The following ROBO2 variants were observed in gnomAD, a reference collection of about 807,000 sequenced individuals.
ROBO2 encodes the protein roundabout guidance receptor 2, also known as roundabout homolog 2.
A neutral mutation model predicts 160.8 loss-of-function variants in ROBO2; 53 were observed. That is an observed-to-expected ratio of 0.33 (90% confidence interval 0.26 to 0.41). The LOEUF is 0.41. Ranked by LOEUF, ROBO2 falls within the 10% of genes least tolerant of loss-of-function variation. The pLI, the probability that ROBO2 is intolerant of heterozygous loss-of-function variation, is 1.00. For missense variants in ROBO2, 1,577 were observed against 1,722.4 expected (o/e 0.92, Z 1.49); for synonymous variants, 664 against 611.7 (o/e 1.09, Z -1.26).
At chr3:77,348,771 T>C (rs2067965189) in intron 2 of ROBO2, among the ~76,000 whole-genome samples, 1 of 152,130 alleles carries the variant, frequency 6.6e-6, no homozygotes, top group South Asian at 2.1e-4. Flanking sequence ...GCCCTTGCCT[T>C]CAGGTATCAG....
intron 2 of ROBO2, among the ~76,000 whole-genome samples, chr3:76,027,797 G>A (rs1018143785): frequency 2.0e-5 from 3 of 151,768 alleles, no homozygotes; most frequent in Admixed American, 1.3e-4. Context: ...AGATGTTCTT[G>A]TACTAAAAAG....
intron 2 of ROBO2, among the ~76,000 whole-genome samples, chr3:76,619,294 C>T (rs902048908): frequency 6.7e-6 from 1 of 150,030 alleles, no homozygotes; most frequent in Non-Finnish European, 1.5e-5. Flanking sequence ...GAGCCGAGAT[C>T]GCGCCACTGC....
At chr3:76,635,830 T>C (rs2090300861) in intron 2 of ROBO2, among the ~76,000 whole-genome samples, 1 of 152,228 alleles carries the variant, frequency 6.6e-6, no homozygotes, top group South Asian at 2.1e-4. Context: ...AATGTTTTCC[T>C]AGAACACTGA....
chr3:77,405,331 AAT>A (rs1287680769), intron 2 of ROBO2, among the ~76,000 whole-genome samples: 1 of 152,190 alleles, frequency 6.6e-6, no homozygotes, highest in Non-Finnish European at 1.5e-5. Flanking sequence ...GTAAAAATAA[AAT>A]AGTATTTTAG....
chr3:77,071,588 A>G (rs901014424), intron 1 of ROBO2, among the ~76,000 whole-genome samples: 4 of 152,186 alleles, frequency 2.6e-5, no homozygotes, highest in Non-Finnish European at 4.4e-5. Flanking sequence ...AAGCATGGCT[A>G]TTAAGCAGCT....
chr3:76,098,175 C>A (rs963173234), intron 2 of ROBO2, among the ~76,000 whole-genome samples: 1 of 152,044 alleles, frequency 6.6e-6, no homozygotes, highest in Non-Finnish European at 1.5e-5. Flanking sequence ...TGAGAGGAAA[C>A]AAAATCTTCA....
chr3:75,952,048 C>T (rs187175090), intron 2 of ROBO2, among the ~76,000 whole-genome samples: 40 of 152,066 alleles, frequency 2.6e-4, no homozygotes, highest in Admixed American at 1.8e-3. Context: ...GACAGCAAAT[C>T]CAACAAAGAC....
At chr3:77,166,083 C>A (rs372716737) in intron 2 of ROBO2, among the ~76,000 whole-genome samples, 3 of 152,034 alleles carry the variant, frequency 2.0e-5, no homozygotes, top group African/African-American at 4.8e-5. Flanking sequence ...CATGGCAAAA[C>A]CCACTCTCTA....
rs541721732 is a variant in ROBO2 at position 76,948,631 on chromosome 3, G to A, written c.110-149383G>A. ...AGACGGAGTCTCACCCTGTCACCCA[G>A]GCTGGATTTTGTGACTTCCCTTTTT... On this transcript the variant is annotated intron_variant, in intron 2 of 26. Transcript: ENST00000487694. Among the ~76,000 whole-genome samples the A allele has an allele frequency of 9.1e-5, 12 of 131,920 alleles. No homozygotes were observed. The South Asian group carries it at 2.8e-3, about 31-fold the overall frequency. 86.5% of individuals were successfully genotyped at this position (131,920 alleles called of 152,430 possible). A position where few individuals can be genotyped will look rare whatever the true frequency, so the allele number is the denominator to read the frequency against.
At chr3:75,908,917 T>C (rs1277630603) in intron 1 of ROBO2, among the ~76,000 whole-genome samples, 4 of 152,206 alleles carry the variant, frequency 2.6e-5, no homozygotes, top group Non-Finnish European at 4.4e-5. Context: ...TTAGCTGTGT[T>C]TTTAAACCAC....
chr3:77,301,153 A>G (rs754218338), intron 2 of ROBO2, among the ~76,000 whole-genome samples: 6 of 152,034 alleles, frequency 3.9e-5, no homozygotes, highest in African/African-American at 1.2e-4. Flanking sequence ...ACAGGCATGA[A>G]CCACTGTGTC....
At chr3:76,613,687 G>A (rs538762924) in intron 2 of ROBO2, among the ~76,000 whole-genome samples, 2 of 151,922 alleles carry the variant, frequency 1.3e-5, no homozygotes, top group East Asian at 1.9e-4. Context: ...GGAGAGGGGC[G>A]TGAGTTAAAG....
intron 2 of ROBO2, among the ~76,000 whole-genome samples, chr3:76,260,938 T>C (rs1706705240): frequency 6.6e-6 from 1 of 152,020 alleles, no homozygotes; most frequent in Non-Finnish European, 1.5e-5. Context: ...TTTCATAAAA[T>C]AGGATATAAG....
At chr3:75,917,957 T>A (rs867702240) in intron 1 of ROBO2, among the ~76,000 whole-genome samples, 7 of 152,292 alleles carry the variant, frequency 4.6e-5, no homozygotes, top group Middle Eastern at 6.8e-3. Flanking sequence ...GGATAGATTG[T>A]AAAAATTTTC....
At chr3:76,871,517 G>A (rs1380053504) in intron 2 of ROBO2, among the ~76,000 whole-genome samples, 2 of 144,096 alleles carry the variant, frequency 1.4e-5, no homozygotes, top group African/African-American at 5.1e-5. Flanking sequence ...TCCCGCCACT[G>A]CACTCCAGCC....
At position 77,644,777 on chromosome 3, in the gene ROBO2, T is replaced by G. The variant is rs758687620; in HGVS notation, c.4008T>G (p.Ser1336=). 6.8e-5 allele frequency: 109 copies of G among 1,613,940 alleles called. No individual in the cohort carries two copies. The highest frequency in any genetic ancestry group is 8.9e-5 in the Non-Finnish European group (105 of 1,180,012). ...GCCACAGCTCATCAGGAACAGCTTCTTCTAAGGGATCCACTGGACCTAGGA... is the reference window on the plus strand; with the variant it reads ...GCCACAGCTCATCAGGAACAGCTTCGTCTAAGGGATCCACTGGACCTAGGA... The change falls in exon 25 of 26, where the codon TCT becomes TCG. Residue 1336 remains serine, a synonymous_variant. Coordinates refer to ENST00000461745, the Ensembl canonical transcript of ROBO2.
intron 23 of ROBO2, 41 bp from the exon 25 acceptor site, chr3:77,634,829 A>G (rs2095235636): frequency 6.3e-7 from 1 of 1,586,826 alleles, no homozygotes; most frequent in Non-Finnish European, 8.7e-7. Context: ...GTGTGCTATA[A>G]TGTCATTCTC....
At chr3:76,860,039 T>TAA (rs1267847073) in intron 2 of ROBO2, among the ~76,000 whole-genome samples, 2 of 152,222 alleles carry the variant, frequency 1.3e-5, no homozygotes, top group African/African-American at 4.8e-5. Flanking sequence ...TGTGTCATTA[T>TAA]TTGTGTTATA....
intron 15 of ROBO2, 68 bp downstream of exon 16, chr3:77,577,682 A>C: frequency 6.6e-7 from 1 of 1,520,348 alleles, no homozygotes; most frequent in Non-Finnish European, 9.1e-7. Flanking sequence ...TGTCTCACGA[A>C]TGAGACACAT....
Sources: allele counts gnomAD v4.1 joint callset (sites outside exome capture counted in the v4.1 genomes callset), GRCh38; gene constraint gnomAD v4.1.1; transcripts MANE v1.5; gene names NCBI Gene and HGNC (gene_info 2026-07-23, HGNC 2026-07-21).